Variants in SPATA2L observed in about 807,000 individuals in gnomAD.
SPATA2L encodes spermatogenesis-associated protein 2-like protein.
SPATA2L carries 5 observed loss-of-function variants against 8.7 expected under a neutral mutation model. That is an observed-to-expected ratio of 0.57 (90% confidence interval 0.30 to 1.21). SPATA2L has a LOEUF of 1.21. Ranked by LOEUF, SPATA2L falls within the 50% of genes most tolerant of loss-of-function variation. The pLI is 0.07. For missense variants in SPATA2L, 671 were observed against 591.0 expected (o/e 1.14, Z -1.40); for synonymous variants, 358 against 275.8 (o/e 1.30, Z -2.95).
rs2060774132 is a variant in SPATA2L at position 89,701,250 on chromosome 16, T to G, written c.-1-17A>C. The G allele has an allele frequency of 7.2e-7, 1 of 1,396,222 alleles. No individual in the cohort carries two copies. Among genetic ancestry groups the G allele is most frequent in the Non-Finnish European group, 9.3e-7 (1 of 1,077,410 alleles). The allele number at this position is 1,396,222 out of a possible 1,614,324, so 86.5% of individuals were successfully genotyped here. A position where few individuals can be genotyped will look rare whatever the true frequency, so the allele number is the denominator to read the frequency against. ...CTGCCCATCCTGCGGCGGACGGGGG[T>G]CGGGGGGGTCAGGGACCTAAGGCCG... On this transcript the variant is annotated splice_polypyrimidine_tract_variant and intron_variant, in intron 1 of 2. Coordinates refer to ENST00000289805, the MANE Select transcript of SPATA2L (RefSeq NM_152339.4).
chr16:89,696,836 C>G lies in SPATA2L; in HGVS notation c.*498G>C. On this transcript the variant is annotated 3_prime_UTR_variant, in exon 3 of 3. Coordinates refer to ENST00000289805, the MANE Select transcript of SPATA2L (RefSeq NM_152339.4). ...GAAGCCAGGTCAGCCGTGCACCCGG[C>G]AGAGCCCCGCAGATTGGCTCCAGCA... The G allele has an allele frequency of 6.5e-7, 1 of 1,535,316 alleles. No individual in the cohort carries two copies. Among genetic ancestry groups the G allele is most frequent in the East Asian group, 2.4e-5 (1 of 40,906 alleles).
Position 89,700,921 on chromosome 16 carries a change from G to C in SPATA2L, c.303+9C>G. Reference sequence around the variant, plus strand: ...ACGAGGGGCGCGCTCCTCCTGGCCTGGCGCCTACCTTGATGGTGGTGAACT... The same window carrying C: ...ACGAGGGGCGCGCTCCTCCTGGCCTCGCGCCTACCTTGATGGTGGTGAACT... On this transcript the variant is annotated intron_variant, in intron 2 of 2. Coordinates refer to ENST00000289805, the MANE Select transcript of SPATA2L (RefSeq NM_152339.4). 6.9e-7 allele frequency: 1 copy of C among 1,444,622 alleles called. No homozygotes were observed. Among genetic ancestry groups the C allele is most frequent in the Non-Finnish European group, 9.1e-7 (1 of 1,094,944 alleles). 89.5% of individuals were successfully genotyped at this position (1,444,622 alleles called of 1,614,324 possible). A position where few individuals can be genotyped will look rare whatever the true frequency, so the allele number is the denominator to read the frequency against.
rs759820482 is a variant in SPATA2L at position 89,698,202 on chromosome 16, C to T, written c.407G>A (p.Arg136Gln). The T allele has an allele frequency of 2.5e-5, 40 of 1,612,918 alleles. No individual in the cohort carries two copies. Among genetic ancestry groups the T allele is most frequent in the East Asian group, 8.9e-5 (4 of 44,890 alleles). The change falls in exon 3 of 3, where the codon CGG (arginine) becomes CAG (glutamine). Residue 136 changes from arginine to glutamine, a missense_variant. Arg to Gln is a conservative substitution (Grantham distance 43). Coordinates refer to ENST00000289805, the MANE Select transcript of SPATA2L (RefSeq NM_152339.4). ...GGGGGGCAGGGCGGTCACCATGAGC[C>T]GATGGCTGTCTCTGCGTACGTAGCC... ...KMGYVRRDSH[R>Q]LMVTALPPAC...
chr16:89,697,133 C>T lies in SPATA2L; in HGVS notation c.*201G>A, dbSNP rs769430899. On this transcript the variant is annotated 3_prime_UTR_variant, in exon 3 of 3. Transcript: ENST00000289805. ...GAAATGTGGAAAGGCTCCTGCTGGC[C>T]GGCTTAGGCCTGCTGCCCTTGGAGC... 7.3e-6 allele frequency: 10 copies of T among 1,373,396 alleles called. No individual in the cohort carries two copies. Among genetic ancestry groups the T allele is most frequent in the East Asian group, 5.2e-5 (2 of 38,110 alleles). 85.1% of individuals were successfully genotyped at this position (1,373,396 alleles called of 1,614,324 possible).
rs1278434793 is a variant in SPATA2L at position 89,698,104 on chromosome 16, G to C, written c.505C>G (p.Leu169Val). Residue 169 changes from leucine to valine, a missense_variant, in exon 3 of 3, where the codon CTG becomes GTG. Leu to Val is a conservative substitution (Grantham distance 32). Coordinates refer to ENST00000289805, the MANE Select transcript of SPATA2L (RefSeq NM_152339.4). ...AGCACACTGGTGCCCAGCTGGGCCA[G>C]CACCTCACCCAGGATCTCACACTCC... ...RLECEILGEV[L>V]AQLGTSVLPA... 3 of 1,604,064 alleles carry C rather than the reference G, an allele frequency of 1.9e-6. No individual in the cohort carries two copies. The highest frequency in any genetic ancestry group is 2.2e-5 in the East Asian group (1 of 44,742).
chr16:89,701,358 TG>T (rs2060774767), intron 1 of SPATA2L, 125 bp from the exon 2 acceptor site: 1 of 1,018,972 alleles, frequency 9.8e-7, no homozygotes, highest in Non-Finnish European at 1.3e-6. Flanking sequence ...CCCCAGCGGC[TG>T]GGCGCCCCCG....
At position 89,697,423 on chromosome 16, in the gene SPATA2L, C is replaced by T. The variant is rs570991061; in HGVS notation, c.1186G>A (p.Val396Met). 2 of 1,605,414 alleles carry T rather than the reference C, an allele frequency of 1.2e-6. No homozygotes were observed. Among genetic ancestry groups the T allele is most frequent in the African/African-American group, 1.3e-5 (1 of 74,920 alleles). The change falls in exon 3 of 3, where the codon GTG becomes ATG. Residue 396 changes from valine to methionine, a missense_variant. Physicochemically the swap from Val to Met is conservative, Grantham distance 21. Transcript: ENST00000289805. Reference protein sequence around the residue: ...PACRPGHSLRVLLGDAQRRLW... With the variant: ...PACRPGHSLRMLLGDAQRRLW... ...CGCCGCTGGGCGTCGCCAAGCAGCA[C>T]ACGCAGCGAGTGGCCTGGACGGCAG...
At chr16:89,698,885 T>A (rs2060756677) in intron 2 of SPATA2L, among the ~76,000 whole-genome samples, 1 of 150,810 alleles carries the variant, frequency 6.6e-6, no homozygotes, top group African/African-American at 2.4e-5. Context: ...CCTCCCGGGT[T>A]CAAGCGATCT....
At chr16:89,701,261 A>G (rs1260729132) in intron 1 of SPATA2L, 28 bp from the exon 2 acceptor site, 4 of 1,386,518 alleles carry the variant, frequency 2.9e-6, no homozygotes, top group African/African-American at 1.5e-5. Context: ...CGGGGGGGTC[A>G]GGGACCTAAG....
chr16:89,698,152 G>A lies in SPATA2L; in HGVS notation c.457C>T (p.Leu153=). ...PPACQLVQVA[L]GCFALRLECE... ...TCCAGCCGGAGGGCGAAGCAGCCCAGGGCCACCTGCACCAGCTGGCAGGCG... is the reference window on the plus strand; with the variant it reads ...TCCAGCCGGAGGGCGAAGCAGCCCAAGGCCACCTGCACCAGCTGGCAGGCG... The change falls in exon 3 of 3, where the codon CTG becomes TTG. Residue 153 remains leucine, a synonymous_variant. Coordinates refer to ENST00000289805, the MANE Select transcript of SPATA2L (RefSeq NM_152339.4). 2.5e-6 allele frequency: 4 copies of A among 1,611,942 alleles called. No homozygotes were observed. In the South Asian group the frequency reaches 3.3e-5, roughly 13 times the overall value.
rs1818019305 is a variant in SPATA2L at position 89,697,143 on chromosome 16, C to T, written c.*191G>A. ...AAGGCTCCTGCTGGCCGGCTTAGGC[C>T]TGCTGCCCTTGGAGCCTTCCATATA... On this transcript the variant is annotated 3_prime_UTR_variant, in exon 3 of 3. Transcript: ENST00000289805. 2.2e-6 allele frequency: 3 copies of T among 1,376,454 alleles called. No individual in the cohort carries two copies. The highest frequency in any genetic ancestry group is 5.2e-5 in the East Asian group (2 of 38,230). 85.3% of individuals were successfully genotyped at this position (1,376,454 alleles called of 1,614,324 possible).
chr16:89,697,359 T>C lies in SPATA2L; in HGVS notation c.1250A>G (p.Tyr417Cys), dbSNP rs2060738440. 2 of 1,541,638 alleles carry C rather than the reference T, an allele frequency of 1.3e-6. No individual in the cohort carries two copies. The highest frequency in any genetic ancestry group is 1.8e-6 in the Non-Finnish European group (2 of 1,142,100). ...CTAGGGCCGGGCCCCGGGGCTGTTG[T>C]AGAGCAGAGTGTCCATCTGTGCACG... ...LQRAQMDTLL[Y>C]NSPGARP Residue 417 changes from tyrosine (Y) to cysteine (C), a missense_variant, in exon 3 of 3, where the codon TAC becomes TGC. By Grantham distance (194) the Tyr-to-Cys change is radical (BLOSUM62 -2). Coordinates refer to ENST00000289805, the MANE Select transcript of SPATA2L (RefSeq NM_152339.4).
At position 89,700,864 on chromosome 16, in the gene SPATA2L, A is replaced by G; in HGVS notation, c.303+66T>C. On this transcript the variant is annotated intron_variant, in intron 2 of 2. Transcript: ENST00000289805. The stretch of plus-strand genomic sequence containing the variant: ...TCTCTCTCGAAAGGCGTGGTCCCCC[A>G]TGGTCGGCGGCCCCGCGACCCGCAG... The G allele has an allele frequency of 7.2e-6, 10 of 1,388,006 alleles. No homozygotes were observed. In the South Asian group the frequency reaches 1.4e-4, roughly 20 times the overall value. The allele number at this position is 1,388,006 out of a possible 1,614,324, so 86.0% of individuals were successfully genotyped here.
rs1045814 is a variant in SPATA2L, at chr16:89,696,507, C to T, written c.*827G>A. The T allele has an allele frequency of 0.39, 156,404 of 398,466 alleles. 33,737 individuals are homozygous for T. Among genetic ancestry groups the T allele is most frequent in the African/African-American group, 0.59 (28,285 of 48,282 alleles). The allele number at this position is 398,466 out of a possible 1,614,324, so 24.7% of individuals were successfully genotyped here. A position where few individuals can be genotyped will look rare whatever the true frequency, so the allele number is the denominator to read the frequency against. The stretch of plus-strand genomic sequence containing the variant: ...GAGGGGCTGTCACAGTGGATGCACC[C>T]TGCCCTCTCCCTCGCCAGACCCGAG... On this transcript the variant is annotated 3_prime_UTR_variant, in exon 3 of 3. Coordinates refer to ENST00000289805, the MANE Select transcript of SPATA2L (RefSeq NM_152339.4).
At chr16:89,699,249 C>G (rs1363397315) in intron 2 of SPATA2L, among the ~76,000 whole-genome samples, 1 of 152,176 alleles carries the variant, frequency 6.6e-6, no homozygotes. Context: ...ATGTACTTGC[C>G]CAGGTGTTTG....
At chr16:89,699,249 C>T (rs1363397315) in intron 2 of SPATA2L, among the ~76,000 whole-genome samples, 5 of 152,176 alleles carry the variant, frequency 3.3e-5, no homozygotes, top group African/African-American at 1.2e-4. Context: ...ATGTACTTGC[C>T]CAGGTGTTTG....
At chr16:89,699,313 CT>C (rs908462748) in intron 2 of SPATA2L, among the ~76,000 whole-genome samples, 4 of 152,006 alleles carry the variant, frequency 2.6e-5, no homozygotes, top group Non-Finnish European at 2.9e-5. Flanking sequence ...GTAGTCCCCC[CT>C]TTTTTTTCAC....
chr16:89,696,928 T>A lies in SPATA2L; in HGVS notation c.*406A>T, dbSNP rs371205488. On this transcript the variant is annotated 3_prime_UTR_variant, in exon 3 of 3. Transcript: ENST00000289805. Reference sequence around the variant, plus strand: ...TGAGGACACTCGTGTGGAGAATCCCTGGGACACGTGGAGGACCCCCAAGTC... The same window carrying A: ...TGAGGACACTCGTGTGGAGAATCCCAGGGACACGTGGAGGACCCCCAAGTC... The A allele has an allele frequency of 3.3e-5, 50 of 1,517,898 alleles. 1 individual carries two copies. Among genetic ancestry groups the A allele is most frequent in the Middle Eastern group, 3.4e-4 (2 of 5,896 alleles). The allele number at this position is 1,517,898 out of a possible 1,614,324, so 94.0% of individuals were successfully genotyped here. A position where few individuals can be genotyped will look rare whatever the true frequency, so the allele number is the denominator to read the frequency against.
Position 89,697,590 on chromosome 16 carries a change from C to G in SPATA2L, c.1019G>C (p.Gly340Ala). The change falls in exon 3 of 3, where the codon GGG (glycine) becomes GCG (alanine). Residue 340 changes from glycine to alanine, a missense_variant. By Grantham distance (60) the Gly-to-Ala change is moderately conservative. Coordinates refer to ENST00000289805, the MANE Select transcript of SPATA2L (RefSeq NM_152339.4). Reference protein sequence around the residue: ...AASPRRIRAEGVPASAYRSVS... With the variant: ...AASPRRIRAEAVPASAYRSVS... ...AGACCTATAGGCTGAGGCTGGTACC[C>G]CCTCTGCCCGAATACGCCTCGGGCT... is the stretch of plus-strand genomic sequence containing the variant. The G allele has an allele frequency of 6.2e-7, 1 of 1,600,722 alleles. No homozygotes were observed. Among genetic ancestry groups the G allele is most frequent in the Non-Finnish European group, 8.5e-7 (1 of 1,177,124 alleles).
Sources: allele counts gnomAD v4.1 joint callset (sites outside exome capture counted in the v4.1 genomes callset), GRCh38; gene constraint gnomAD v4.1.1; transcripts MANE v1.5; gene names NCBI Gene and HGNC (gene_info 2026-07-23, HGNC 2026-07-21).